Variants in AAK1 observed in about 807,000 individuals in gnomAD.
AAK1 encodes the protein AP2-associated protein kinase 1.
AAK1 carries 37 observed loss-of-function variants against 116.0 expected under a neutral mutation model. The ratio of observed to expected loss-of-function variants is 0.32; its 90% CI spans 0.25 to 0.42. The LOEUF (loss-of-function observed/expected upper bound fraction) is 0.42, where lower values mean the gene tolerates loss of function less well. Among genes scored for constraint, AAK1 ranks in the 10% least tolerant of loss-of-function variants. AAK1 has a pLI of 1.00. For missense variants in AAK1, 919 were observed against 1,170.6 expected (o/e 0.79, Z 3.14); for synonymous variants, 458 against 439.9 (o/e 1.04, Z -0.51).
At chr2:69,550,084 G>T (rs1671112156) in intron 3 of AAK1, among the ~76,000 whole-genome samples, 1 of 152,134 alleles carries the variant, frequency 6.6e-6, no homozygotes. Context: ...TAGCAATCCA[G>T]CCTAGACTCT....
At chr2:69,486,240 G>A (rs1361095253) in intron 17 of AAK1, among the ~76,000 whole-genome samples, 2 of 152,122 alleles carry the variant, frequency 1.3e-5, no homozygotes, top group Non-Finnish European at 2.9e-5. Flanking sequence ...GACATTACAG[G>A]TATGAGCCAC....
intron 14 of AAK1, 47 bp downstream of exon 14, chr2:69,509,184 G>A (rs754178455): frequency 1.3e-6 from 2 of 1,551,110 alleles, no homozygotes; most frequent in Non-Finnish European, 1.8e-6. Context: ...GCCGCAGGCA[G>A]ACTTTGCCCA....
At chr2:69,640,047 A>ACTCTCTCTCTCTCTCTCT (rs1675638078) in intron 2 of AAK1, among the ~76,000 whole-genome samples, 21 of 135,580 alleles carry the variant, frequency 1.5e-4, no homozygotes, top group Admixed American at 1.2e-3. Flanking sequence ...ACACACACAC[A>ACTCTCTCTCTCTCTCTCT]CACACACTCT....
intron 2 of AAK1, among the ~76,000 whole-genome samples, chr2:69,572,437 G>C (rs764706683): frequency 4.0e-5 from 6 of 151,880 alleles, no homozygotes; most frequent in Non-Finnish European, 7.4e-5. Flanking sequence ...GGCCAACATG[G>C]AGAAACCCCT....
intron 2 of AAK1, among the ~76,000 whole-genome samples, chr2:69,597,046 T>C (rs1248554009): frequency 2.0e-5 from 3 of 151,936 alleles, no homozygotes; most frequent in Admixed American, 6.6e-5. Context: ...GTGTTCATAG[T>C]GTTCACAGCA....
intron 16 of AAK1, among the ~76,000 whole-genome samples, chr2:69,501,962 C>T (rs1387075194): frequency 6.6e-6 from 1 of 151,938 alleles, no homozygotes; most frequent in African/African-American, 2.4e-5. Context: ...CAGAGCGAGA[C>T]ACCATCTCAC....
At chr2:69,595,487 C>T (rs904340083) in intron 2 of AAK1, among the ~76,000 whole-genome samples, 3 of 152,214 alleles carry the variant, frequency 2.0e-5, no homozygotes, top group African/African-American at 7.2e-5. Context: ...TAAGAACAAA[C>T]CTGCCAAAAC....
intron 15 of AAK1, among the ~76,000 whole-genome samples, chr2:69,506,886 G>GTGTGTC (rs1676206019): frequency 6.6e-6 from 1 of 151,966 alleles, no homozygotes; most frequent in Admixed American, 6.6e-5. Flanking sequence ...GTGTGTGTGT[G>GTGTGTC]TGTGTGTGTG....
Position 69,643,138 on chromosome 2 carries a change from AG to A in AAK1, c.-99del. Reference sequence around the variant, plus strand: ...AAAAGAGATCCAAGGATTTCTTCTCAGATTTCACCTCGGAGAGGAGCCACCC... The same window carrying A: ...AAAAGAGATCCAAGGATTTCTTCTCAATTTCACCTCGGAGAGGAGCCACCC... On this transcript the variant is annotated 5_prime_UTR_variant, in exon 2 of 22. Coordinates refer to ENST00000409085, the MANE Select transcript of AAK1 (RefSeq NM_014911.5). The A allele has an allele frequency of 7.0e-7, 1 of 1,421,118 alleles. No homozygotes were observed. Among genetic ancestry groups the A allele is most frequent in the Non-Finnish European group, 9.1e-7 (1 of 1,102,198 alleles). 88.0% of individuals were successfully genotyped at this position (1,421,118 alleles called of 1,614,324 possible). A position where few individuals can be genotyped will look rare whatever the true frequency, so the allele number is the denominator to read the frequency against.
rs151065566 is a variant in AAK1 at position 69,636,003 on chromosome 2, T to C, written c.163+6875A>G. On this transcript the variant is annotated intron_variant, in intron 2 of 21. Coordinates refer to ENST00000409085, the MANE Select transcript of AAK1 (RefSeq NM_014911.5). ...ATTTTGTCCTTGTTAATATATAACA[T>C]ATGGCCCAACACTAGCACTCCCATT... Among the ~76,000 whole-genome samples the C allele has an allele frequency of 3.8e-3, 572 of 152,308 alleles. 2 individuals carry two copies. Among genetic ancestry groups the C allele is most frequent in the South Asian group, 8.3e-3 (40 of 4,824 alleles).
chr2:69,535,427 G>A (rs1670422657), intron 5 of AAK1, among the ~76,000 whole-genome samples: 2 of 152,104 alleles, frequency 1.3e-5, no homozygotes, highest in Non-Finnish European at 1.5e-5. Flanking sequence ...CTAGGCTCTA[G>A]GGATAAGGCT....
intron 17 of AAK1, among the ~76,000 whole-genome samples, 178 bp from the exon 18 acceptor site, chr2:69,482,990 A>C (rs1211524268): frequency 6.6e-6 from 1 of 152,230 alleles, no homozygotes; most frequent in Non-Finnish European, 1.5e-5. Flanking sequence ...TTGGAAGTTT[A>C]AAAATGATTA....
intron 13 of AAK1, among the ~76,000 whole-genome samples, chr2:69,510,582 G>C (rs1449757384): frequency 6.6e-6 from 1 of 152,188 alleles, no homozygotes; most frequent in Non-Finnish European, 1.5e-5. Flanking sequence ...GGATTGCTGG[G>C]TTGAATAGTA....
Position 69,509,233 on chromosome 2 carries a change from G to A in AAK1, c.2004C>T (p.Ser668=), listed in dbSNP as rs1333207306. 2 of 1,613,636 alleles carry A rather than the reference G, an allele frequency of 1.2e-6. No homozygotes were observed. The highest frequency in any genetic ancestry group is 1.7e-6 in the Non-Finnish European group (2 of 1,179,680). ...AAAAEASLNK[S]KSATTTPSGS... is the part of the protein sequence containing the mutation. ...AACAAAGAGGAAGCACCACATACTT[G>A]GACTTATTGAGACTGGCCTCAGCTG... The change falls in exon 14 of 22, where the codon TCC becomes TCT. Residue 668 remains serine, a splice_region_variant and synonymous_variant. Coordinates refer to ENST00000409085, the MANE Select transcript of AAK1 (RefSeq NM_014911.5).
Position 69,471,211 on chromosome 2 carries a change from CTT to C in AAK1, c.*4656_*4657del. On this transcript the variant is annotated 3_prime_UTR_variant, in exon 22 of 22. Coordinates refer to ENST00000409085, the MANE Select transcript of AAK1 (RefSeq NM_014911.5). Reference sequence around the variant, plus strand: ...ATCAAAGTGTGAACCAAGAACGTGTCTTTAATTCTAGCAACTACCACCATTTG... The same window carrying C: ...ATCAAAGTGTGAACCAAGAACGTGTCTAATTCTAGCAACTACCACCATTTG... 1 of 985,422 alleles carries C rather than the reference CTT, an allele frequency of 1.0e-6. No homozygotes were observed. Among genetic ancestry groups the C allele is most frequent in the Non-Finnish European group, 1.2e-6 (1 of 829,922 alleles). The allele number at this position is 985,422 out of a possible 1,614,324, so 61.0% of individuals were successfully genotyped here.
At position 69,465,153 on chromosome 2, in the gene AAK1, T is replaced by C. The variant is rs557113083; in HGVS notation, c.*10716A>G. 3 of 236,604 alleles carry C rather than the reference T, an allele frequency of 1.3e-5. No homozygotes were observed. The highest frequency in any genetic ancestry group is 2.5e-5 in the Non-Finnish European group (3 of 119,490). 14.7% of individuals were successfully genotyped at this position (236,604 alleles called of 1,614,324 possible). ...GGGAAAGCAGAGTTCTTGGTGGAAG[T>C]GGATGACCTCTGTGAAGGAGATGAA... is the stretch of plus-strand genomic sequence containing the variant. On this transcript the variant is annotated 3_prime_UTR_variant, in exon 22 of 22. Transcript: ENST00000409085.
In AAK1 at chr2:69,473,177, G is replaced by A; in HGVS notation, c.*2692C>T. ...AGGTCACTCAGCCAGTGGCTGGCAA[G>A]GGCCAGGATGAGATCCCAGGTGGCC... On this transcript the variant is annotated 3_prime_UTR_variant, in exon 22 of 22. Coordinates refer to ENST00000409085, the MANE Select transcript of AAK1 (RefSeq NM_014911.5). 1.3e-6 allele frequency: 1 copy of A among 782,446 alleles called. No individual in the cohort carries two copies. Among genetic ancestry groups the A allele is most frequent in the African/African-American group, 1.9e-5 (1 of 53,190 alleles). 48.5% of individuals were successfully genotyped at this position (782,446 alleles called of 1,614,324 possible). A position where few individuals can be genotyped will look rare whatever the true frequency, so the allele number is the denominator to read the frequency against.
chr2:69,619,420 C>A (rs776240527), intron 2 of AAK1, among the ~76,000 whole-genome samples: 8 of 152,156 alleles, frequency 5.3e-5, no homozygotes, highest in Admixed American at 1.3e-4. Flanking sequence ...TGTGAAATTT[C>A]CCTCTTCTTT....
chr2:69,486,062 C>G (rs1358645306), intron 17 of AAK1, among the ~76,000 whole-genome samples: 1 of 151,986 alleles, frequency 6.6e-6, no homozygotes, highest in Non-Finnish European at 1.5e-5. Context: ...TCAACAGATC[C>G]TTCAGCCGCA....
Sources: gnomAD v4.1 joint callset for allele counts (sites outside exome capture counted in the v4.1 genomes callset) on GRCh38, gnomAD v4.1.1 for gene constraint, MANE v1.5 for transcripts, NCBI Gene and HGNC (gene_info 2026-07-23, HGNC 2026-07-21) for gene names.